F13A1: variants seen among roughly 807,000 people sequenced by gnomAD.
The protein encoded by F13A1 is coagulation factor XIII A chain, also known as FSF, A subunit.
Under a neutral mutation model 80.1 loss-of-function variants are expected in F13A1, and 47 were observed. The ratio of observed to expected loss-of-function variants is 0.59; its 90% CI spans 0.46 to 0.75. The LOEUF (loss-of-function observed/expected upper bound fraction) is 0.75, where lower values mean the gene tolerates loss of function less well. Ranked by LOEUF, F13A1 falls within the 30% of genes least tolerant of loss-of-function variation. F13A1 has a pLI of 0.00. For missense variants in F13A1, 817 were observed against 930.4 expected (o/e 0.88, Z 1.59); for synonymous variants, 349 against 344.9 (o/e 1.01, Z -0.13).
At chr6:6,148,293 A>G (rs991712081) in intron 14 of F13A1, among the ~76,000 whole-genome samples, 1 of 152,180 alleles carries the variant, frequency 6.6e-6, no homozygotes, top group Non-Finnish European at 1.5e-5. Context: ...ATTTCAGAGT[A>G]GAGTTGGCTC....
At chr6:6,256,974 G>A (rs1350419911) in intron 4 of F13A1, among the ~76,000 whole-genome samples, 1 of 152,158 alleles carries the variant, frequency 6.6e-6, no homozygotes, top group Non-Finnish European at 1.5e-5. Flanking sequence ...GTTTGGTGTT[G>A]TTTCTAATCC....
At chr6:6,291,135 G>T (rs986259713) in intron 3 of F13A1, among the ~76,000 whole-genome samples, 1 of 152,138 alleles carries the variant, frequency 6.6e-6, no homozygotes, top group Admixed American at 6.5e-5. Flanking sequence ...ACTTGAGATT[G>T]TCAGGCATGA....
chr6:6,311,223 G>T (rs550714227), intron 2 of F13A1, among the ~76,000 whole-genome samples: 9 of 152,094 alleles, frequency 5.9e-5, no homozygotes, highest in Non-Finnish European at 8.8e-5. Flanking sequence ...CACCTTTTAC[G>T]TGAAAATTTG....
chr6:6,278,485 G>A (rs1399145240), intron 3 of F13A1, among the ~76,000 whole-genome samples: 2 of 152,220 alleles, frequency 1.3e-5, no homozygotes, highest in Non-Finnish European at 2.9e-5. Context: ...GGAGGCCAAT[G>A]TGCCTGAAGC....
chr6:6,217,114 G>A lies in F13A1; in HGVS notation c.1112+4919C>T, dbSNP rs1402880692. On this transcript the variant is annotated intron_variant, in intron 8 of 14. Coordinates refer to ENST00000264870, the MANE Select transcript of F13A1 (RefSeq NM_000129.4). ...ACTAGTTCAACCATTGTGGAAGTCA[G>A]TGTGGCGATTCCTCAGGGATCTAGA... Among the ~76,000 whole-genome samples the A allele has an allele frequency of 9.0e-3, 1,317 of 146,404 alleles. 13 individuals carry two copies. The highest frequency in any genetic ancestry group is 0.014 in the Non-Finnish European group (930 of 66,800).
At chr6:6,319,661 C>A (rs137999893) in intron 1 of F13A1, among the ~76,000 whole-genome samples, 68 of 152,252 alleles carry the variant, frequency 4.5e-4, no homozygotes, top group Admixed American at 1.4e-3. Context: ...TTTCAAAAAC[C>A]AGGCACACCC....
At chr6:6,306,828 G>A (rs558081760) in intron 2 of F13A1, among the ~76,000 whole-genome samples, 9 of 152,204 alleles carry the variant, frequency 5.9e-5, no homozygotes, top group African/African-American at 1.9e-4. Context: ...TGCCATAGTC[G>A]AATGGCTTCC....
At chr6:6,275,406 G>A (rs946430371) in intron 3 of F13A1, among the ~76,000 whole-genome samples, 3 of 151,940 alleles carry the variant, frequency 2.0e-5, no homozygotes, top group South Asian at 2.1e-4. Flanking sequence ...GTCTTGCTCT[G>A]TTGCCCAGGC....
At chr6:6,304,923 A>G (rs1758490898) in intron 3 of F13A1, among the ~76,000 whole-genome samples, 1 of 151,758 alleles carries the variant, frequency 6.6e-6, no homozygotes, top group Non-Finnish European at 1.5e-5. Context: ...TTATTGGACT[A>G]TATTTTTCAC....
intron 8 of F13A1, among the ~76,000 whole-genome samples, chr6:6,199,731 T>C (rs1761358583): frequency 6.6e-6 from 1 of 152,168 alleles, no homozygotes; most frequent in African/African-American, 2.4e-5. Flanking sequence ...TTGGAATAAT[T>C]TAAGAAGAAG....
At position 6,248,407 on chromosome 6, in the gene F13A1, T is replaced by C; in HGVS notation, c.703A>G (p.Ile235Val). 2 of 1,613,600 alleles carry C rather than the reference T, an allele frequency of 1.2e-6. No individual in the cohort carries two copies. Among genetic ancestry groups the C allele is most frequent in the Non-Finnish European group, 1.7e-6 (2 of 1,179,744 alleles). ...SWSYGQFEDG[I>V]LDTCLYVMDR... ...ATCACATACAGGCAAGTGTCCAGGATGCCATCTTCAAACTATTTGGAGAAA... is the reference window on the plus strand; with the variant it reads ...ATCACATACAGGCAAGTGTCCAGGACGCCATCTTCAAACTATTTGGAGAAA... The change falls in exon 6 of 15, where the codon ATC becomes GTC. Residue 235 changes from isoleucine to valine, a missense_variant. Physicochemically the swap from Ile to Val is conservative, Grantham distance 29. Transcript: ENST00000264870.
chr6:6,303,708 G>T (rs190490544), intron 3 of F13A1, among the ~76,000 whole-genome samples: 1 of 152,206 alleles, frequency 6.6e-6, no homozygotes, highest in Admixed American at 6.5e-5. Flanking sequence ...TATACAGAAA[G>T]ACTTCCCACT....
At position 6,151,292 on chromosome 6, in the gene F13A1, C is replaced by T. The variant is rs866639376; in HGVS notation, c.2045+521G>A. 3.9e-5 allele frequency among the ~76,000 whole-genome samples: 6 copies of T among 152,046 alleles called. No individual in the cohort carries two copies. The South Asian group carries it at 6.2e-4, about 16-fold the overall frequency. On this transcript the variant is annotated intron_variant, in intron 14 of 14. Transcript: ENST00000264870. ...GGCTCAACTAAAAAAAAACCTGAAT[C>T]CAACAGTTGTAGACACTGATTGGGA... is the stretch of plus-strand genomic sequence containing the variant.
At chr6:6,275,551 T>C (rs1757976927) in intron 3 of F13A1, among the ~76,000 whole-genome samples, 1 of 152,100 alleles carries the variant, frequency 6.6e-6, no homozygotes, top group Non-Finnish European at 1.5e-5. Context: ...GTACTTTTAG[T>C]AGATAGGGAA....
At chr6:6,195,077 C>T (rs759368771) in intron 10 of F13A1, among the ~76,000 whole-genome samples, 28 of 152,228 alleles carry the variant, frequency 1.8e-4, no homozygotes, top group Non-Finnish European at 2.8e-4. Flanking sequence ...CTTCCTAGGC[C>T]GGCAGCCCAG....
intron 6 of F13A1, among the ~76,000 whole-genome samples, 180 bp downstream of exon 6, chr6:6,248,132 A>G (rs1443404698): frequency 6.6e-6 from 1 of 152,262 alleles, no homozygotes. Flanking sequence ...ATTTTGTTTT[A>G]TAGCACATGA....
At chr6:6,191,227 A>G (rs6923325) in intron 10 of F13A1, among the ~76,000 whole-genome samples, 5 of 152,146 alleles carry the variant, frequency 3.3e-5, no homozygotes, top group Non-Finnish European at 7.3e-5. Context: ...AGCTGTTCCT[A>G]TTCAGCCATC....
Position 6,250,818 on chromosome 6 carries a change from T to C in F13A1, c.683A>G (p.Tyr228Cys), listed in dbSNP as rs1354109618. 6.2e-7 allele frequency: 1 copy of C among 1,607,060 alleles called. No individual in the cohort carries two copies. The highest frequency in any genetic ancestry group is 1.1e-5 in the South Asian group (1 of 90,958). Reference sequence around the variant, plus strand: ...AAATTTTAAGTGGCTCACCTGACCATAGCTCCAGCTTCTGGTCTTGATGTC... The same window carrying C: ...AAATTTTAAGTGGCTCACCTGACCACAGCTCCAGCTTCTGGTCTTGATGTC... ...VNDIKTRSWSYGQFEDGILDT... is the reference protein window; with the variant it reads ...VNDIKTRSWSCGQFEDGILDT... The change falls in exon 5 of 15, where the codon TAT becomes TGT. Residue 228 changes from tyrosine (Y) to cysteine (C), a missense_variant. Transcript: ENST00000264870. The surrounding 1 kb of genome is among the most constrained non-coding windows in gnomAD (Gnocchi z 4.2).
At chr6:6,194,919 G>A (rs540311408) in intron 10 of F13A1, among the ~76,000 whole-genome samples, 7 of 152,246 alleles carry the variant, frequency 4.6e-5, no homozygotes, top group South Asian at 4.1e-4. Context: ...TCTTTGCCTC[G>A]ATTTTATTTT....
Sources: gnomAD v4.1 joint callset for allele counts (sites outside exome capture counted in the v4.1 genomes callset) on GRCh38, gnomAD v4.1.1 for gene constraint, Gnocchi (gnomAD v3.1) non-coding constraint, MANE v1.5 for transcripts, NCBI Gene and HGNC (gene_info 2026-07-23, HGNC 2026-07-21) for gene names.